Variants in TGFBR2 observed in about 807,000 individuals in gnomAD.
The protein encoded by TGFBR2 is transforming growth factor beta receptor 2.
TGFBR2 carries 18 observed loss-of-function variants against 49.0 expected under a neutral mutation model. That is an observed-to-expected ratio of 0.37 (90% CI 0.25 to 0.54). The LOEUF is 0.54. TGFBR2 is among the 20% of genes least tolerant of loss of function. The pLI is 0.85. For synonymous variants in TGFBR2, 282 were observed against 275.9 expected (o/e 1.02, Z -0.22); for missense variants, 525 against 722.6 (o/e 0.73, Z 3.13).
intron 6 of TGFBR2, among the ~76,000 whole-genome samples, chr3:30,688,735 G>A (rs377674894): frequency 2.6e-5 from 4 of 152,254 alleles, no homozygotes; most frequent in Non-Finnish European, 1.5e-5. Context: ...ATAGCCATTC[G>A]GAGGACATTT....
At chr3:30,664,612 G>A (rs1038294503) in intron 3 of TGFBR2, among the ~76,000 whole-genome samples, 9 of 152,176 alleles carry the variant, frequency 5.9e-5, no homozygotes, top group Admixed American at 5.2e-4. Flanking sequence ...CCTTTGGAGT[G>A]ATTGAAAAGT....
intron 1 of TGFBR2, 101 bp downstream of exon 1, chr3:30,607,078 C>T: frequency 2.0e-6 from 2 of 1,007,684 alleles, no homozygotes; most frequent in African/African-American, 1.6e-5. Flanking sequence ...ACCCGGCCCC[C>T]GGGCGGAAAC....
rs1699755558 is a variant in TGFBR2, at chr3:30,694,021, A to T, written c.*2422A>T. 1 of 230,342 alleles carries T rather than the reference A, an allele frequency of 4.3e-6. No homozygotes were observed. The highest frequency in any genetic ancestry group is 6.2e-5 in the East Asian group (1 of 16,184). The allele number at this position is 230,342 out of a possible 1,614,324, so 14.3% of individuals were successfully genotyped here. ...ATACTCTTTTTATATCAAAAGTCTC[A>T]AGCACTTATTTTTATTCTATGCATT... is the stretch of plus-strand genomic sequence containing the variant. On this transcript the variant is annotated 3_prime_UTR_variant, in exon 7 of 7. Coordinates refer to ENST00000295754, the MANE Select transcript of TGFBR2 (RefSeq NM_003242.6).
intron 3 of TGFBR2, among the ~76,000 whole-genome samples, chr3:30,654,647 T>TG (rs1398422026): frequency 2.0e-5 from 3 of 152,150 alleles, no homozygotes; most frequent in Admixed American, 2.0e-4. Flanking sequence ...TTTGGATTGG[T>TG]CATGATGGAT....
intron 3 of TGFBR2, among the ~76,000 whole-genome samples, chr3:30,654,991 C>T (rs1698967970): frequency 6.6e-6 from 1 of 152,130 alleles, no homozygotes; most frequent in Non-Finnish European, 1.5e-5. Context: ...GCTAGATCTC[C>T]TGGATTTAAG....
chr3:30,611,610 CGGAA>C (rs1698030286), intron 1 of TGFBR2, among the ~76,000 whole-genome samples: 2 of 83,944 alleles, frequency 2.4e-5, no homozygotes, highest in African/African-American at 6.2e-5. Flanking sequence ...AGAAGGGTGT[CGGAA>C]AGAGAATTTT....
chr3:30,659,395 A>G (rs1699072145), intron 3 of TGFBR2, among the ~76,000 whole-genome samples: 2 of 152,304 alleles, frequency 1.3e-5, no homozygotes, highest in East Asian at 1.9e-4. Context: ...TAGAAAGCAC[A>G]CTTGGAATTC....
intron 3 of TGFBR2, among the ~76,000 whole-genome samples, chr3:30,670,898 G>A (rs922000007): frequency 2.0e-5 from 3 of 152,236 alleles, no homozygotes; most frequent in Admixed American, 6.5e-5. Flanking sequence ...TAAGATAACT[G>A]TCCAAAGAGA....
chr3:30,663,534 C>CA (rs1393126393), intron 3 of TGFBR2, among the ~76,000 whole-genome samples: 2 of 152,010 alleles, frequency 1.3e-5, no homozygotes, highest in Non-Finnish European at 2.9e-5. Flanking sequence ...AGTAATTCTG[C>CA]AAAAAAGCAA....
intron 3 of TGFBR2, among the ~76,000 whole-genome samples, chr3:30,670,786 G>A (rs966925041): frequency 3.3e-5 from 5 of 152,234 alleles, no homozygotes; most frequent in Admixed American, 2.6e-4. Context: ...TTTTTAACTT[G>A]TTTTACCTTT....
In TGFBR2 at chr3:30,693,358, A is replaced by G. The variant is rs907629929; in HGVS notation, c.*1759A>G. On this transcript the variant is annotated 3_prime_UTR_variant, in exon 7 of 7. Coordinates refer to ENST00000295754, the MANE Select transcript of TGFBR2 (RefSeq NM_003242.6). Reference sequence around the variant, plus strand: ...GTGTCCACAAGGACAAGAACAAAGTATGAGCTTTAAAACTCCATAGGAAAC... The same window carrying G: ...GTGTCCACAAGGACAAGAACAAAGTGTGAGCTTTAAAACTCCATAGGAAAC... 1.3e-5 allele frequency: 3 copies of G among 233,820 alleles called. No homozygotes were observed. The East Asian group carries it at 1.8e-4, about 14-fold the overall frequency. 14.5% of individuals were successfully genotyped at this position (233,820 alleles called of 1,614,324 possible).
intron 1 of TGFBR2, among the ~76,000 whole-genome samples, chr3:30,614,255 A>C (rs1181881644): frequency 2.6e-5 from 4 of 152,006 alleles, no homozygotes; most frequent in African/African-American, 9.7e-5. Context: ...AACCAAAAAA[A>C]GGCTTGGTTC....
chr3:30,678,565 A>AAAAAAAAAG (rs1559469322), intron 5 of TGFBR2, among the ~76,000 whole-genome samples: 2 of 150,364 alleles, frequency 1.3e-5, no homozygotes, highest in African/African-American at 4.9e-5. Context: ...AAAAAAAAAA[A>AAAAAAAAAG]AAAGAGGTAT....
intron 3 of TGFBR2, among the ~76,000 whole-genome samples, chr3:30,659,627 T>C (rs552788854): frequency 6.6e-6 from 1 of 151,256 alleles, no homozygotes; most frequent in Admixed American, 6.6e-5. Flanking sequence ...TAGAACCTCA[T>C]TCTGGTATGA....
At chr3:30,611,388 A>G (rs1433512994) in intron 1 of TGFBR2, among the ~76,000 whole-genome samples, 2 of 152,230 alleles carry the variant, frequency 1.3e-5, no homozygotes, top group Admixed American at 6.5e-5. Flanking sequence ...TTTTTGAAGT[A>G]TGGAATTGGT....
intron 1 of TGFBR2, among the ~76,000 whole-genome samples, chr3:30,620,485 G>A (rs535011849): frequency 5.3e-5 from 8 of 152,062 alleles, no homozygotes; most frequent in East Asian, 1.9e-4. Flanking sequence ...GGAAAATCTC[G>A]TATGATCTGC....
rs966717910 is a variant in TGFBR2, at chr3:30,655,828, C to G, written c.454+5368C>G. Among the ~76,000 whole-genome samples the G allele has an allele frequency of 3.3e-5, 5 of 152,156 alleles. No homozygotes were observed. In the South Asian group the frequency reaches 1.0e-3, roughly 32 times the overall value. On this transcript the variant is annotated intron_variant, in intron 3 of 6. Coordinates refer to ENST00000295754, the MANE Select transcript of TGFBR2 (RefSeq NM_003242.6). ...GTGCATCCTTTCTTACTTCTTCTTC[C>G]CCTGATTAACGAGAACACTCTACAC...
intron 3 of TGFBR2, among the ~76,000 whole-genome samples, chr3:30,664,972 G>A (rs1329605053): frequency 3.3e-5 from 5 of 152,200 alleles, no homozygotes; most frequent in Admixed American, 6.5e-5. Context: ...GGAGTTTAGG[G>A]TGAACATTTA....
intron 5 of TGFBR2, among the ~76,000 whole-genome samples, chr3:30,681,419 A>C (rs1699538772): frequency 6.6e-6 from 1 of 152,170 alleles, no homozygotes; most frequent in Non-Finnish European, 1.5e-5. Context: ...GCAGCTGTGC[A>C]CCAGATGCTG....
Sources: allele counts gnomAD v4.1 joint callset (sites outside exome capture counted in the v4.1 genomes callset), GRCh38; gene constraint gnomAD v4.1.1; transcripts MANE v1.5; gene names NCBI Gene and HGNC (gene_info 2026-07-23, HGNC 2026-07-21).